Variants in PAK5 observed in about 807,000 individuals in gnomAD.
The protein encoded by PAK5 is serine/threonine-protein kinase PAK 5.
Under a neutral mutation model 65.9 loss-of-function variants are expected in PAK5, and 16 were observed. The observed-to-expected ratio is 0.24, with a 90% CI of 0.16 to 0.37. The LOEUF (loss-of-function observed/expected upper bound fraction) is 0.37. PAK5 is among the 10% of genes least tolerant of loss of function. PAK5 has a pLI of 1.00. For synonymous variants in PAK5, 371 were observed against 354.9 expected, an observed-to-expected ratio of 1.05 and a Z score of -0.51; for missense variants, 785 against 903.9, an observed-to-expected ratio of 0.87 and a Z score of 1.69.
At chr20:9,757,627 C>A (rs2048649977) in intron 1 of PAK5, among the ~76,000 whole-genome samples, 1 of 152,106 alleles carries the variant, frequency 6.6e-6, no homozygotes, top group African/African-American at 2.4e-5. Flanking sequence ...GGACTTGAAT[C>A]CTTAGGTCAA....
chr20:9,662,145 A>G (rs2047355540), intron 2 of PAK5, among the ~76,000 whole-genome samples: 1 of 152,192 alleles, frequency 6.6e-6, no homozygotes, highest in African/African-American at 2.4e-5. Flanking sequence ...GTGATGGGAA[A>G]ATCAGCAAAA....
intron 7 of PAK5, among the ~76,000 whole-genome samples, chr20:9,552,895 GT>G (rs539499102): frequency 1.4e-3 from 216 of 151,818 alleles, no homozygotes; most frequent in African/African-American, 4.9e-3. Context: ...TAATTTTTTA[GT>G]TTTCTGGTAG....
At chr20:9,811,695 A>G (rs893826297) in intron 1 of PAK5, among the ~76,000 whole-genome samples, 2 of 152,200 alleles carry the variant, frequency 1.3e-5, no homozygotes, top group African/African-American at 4.8e-5. Flanking sequence ...ACTTGAATAC[A>G]TGTATTCTTT....
chr20:9,769,763 A>G (rs1251203140), intron 1 of PAK5, among the ~76,000 whole-genome samples: 1 of 152,308 alleles, frequency 6.6e-6, no homozygotes, highest in African/African-American at 2.4e-5. Context: ...CTTTTCTCTA[A>G]ATATTTGGCT....
intron 3 of PAK5, among the ~76,000 whole-genome samples, chr20:9,599,475 A>C (rs1195940073): frequency 2.6e-5 from 4 of 152,230 alleles, no homozygotes; most frequent in African/African-American, 9.6e-5. Context: ...TCAGCACTGC[A>C]TGAGGATGCC....
At chr20:9,783,534 C>T (rs1212688342) in intron 1 of PAK5, among the ~76,000 whole-genome samples, 1 of 152,162 alleles carries the variant, frequency 6.6e-6, no homozygotes, top group African/African-American at 2.4e-5. Context: ...TCTATCTCAA[C>T]ATCTTCGATT....
chr20:9,549,271 G>C (rs989853999), intron 7 of PAK5, among the ~76,000 whole-genome samples: 3 of 152,026 alleles, frequency 2.0e-5, no homozygotes, highest in Admixed American at 1.3e-4. Flanking sequence ...GGAAATATCT[G>C]TGTTGCATAC....
At chr20:9,722,750 T>A (rs1012786121) in intron 1 of PAK5, among the ~76,000 whole-genome samples, 2 of 152,116 alleles carry the variant, frequency 1.3e-5, no homozygotes, top group African/African-American at 2.4e-5. Context: ...GAAGATTTTT[T>A]TTTTTTTTAG....
chr20:9,575,149 A>C (rs1036919817), intron 4 of PAK5, among the ~76,000 whole-genome samples: 1 of 152,178 alleles, frequency 6.6e-6, no homozygotes, highest in African/African-American at 2.4e-5. Flanking sequence ...TTGACCCCAG[A>C]AGGAAGTGCC....
At chr20:9,602,457 C>T (rs1469042265) in intron 3 of PAK5, among the ~76,000 whole-genome samples, 2 of 152,068 alleles carry the variant, frequency 1.3e-5, no homozygotes, top group African/African-American at 4.8e-5. Context: ...GAGCACAGCC[C>T]CTTGGTGTCT....
At chr20:9,672,648 C>G (rs111821857) in intron 2 of PAK5, among the ~76,000 whole-genome samples, 3,082 of 152,200 alleles carry the variant, frequency 0.02, 110 homozygotes, top group African/African-American at 0.068. Context: ...AATTAAACCT[C>G]TTGCCCTTAC....
At chr20:9,681,992 T>G (rs927483132) in intron 2 of PAK5, among the ~76,000 whole-genome samples, 3 of 152,222 alleles carry the variant, frequency 2.0e-5, no homozygotes, top group African/African-American at 7.2e-5. Flanking sequence ...AAGGGTGTTG[T>G]ACAAACGCTT....
intron 2 of PAK5, among the ~76,000 whole-genome samples, chr20:9,709,640 G>A (rs949888069): frequency 1.3e-5 from 2 of 152,108 alleles, no homozygotes; most frequent in Non-Finnish European, 1.5e-5. Flanking sequence ...ACGACAAAAA[G>A]CTTTACAGAA....
chr20:9,783,764 T>G (rs1440334726), intron 1 of PAK5, among the ~76,000 whole-genome samples: 1 of 152,166 alleles, frequency 6.6e-6, no homozygotes, highest in East Asian at 1.9e-4. Flanking sequence ...TCTCAGTAAG[T>G]TAAGAAAGAA....
At chr20:9,747,202 C>G (rs1248399249) in intron 1 of PAK5, among the ~76,000 whole-genome samples, 1 of 152,074 alleles carries the variant, frequency 6.6e-6, no homozygotes, top group Non-Finnish European at 1.5e-5. Context: ...AATAGCTTAC[C>G]AACTAAAAAG....
At chr20:9,767,514 G>C (rs1351655931) in intron 1 of PAK5, among the ~76,000 whole-genome samples, 1 of 152,188 alleles carries the variant, frequency 6.6e-6, no homozygotes, top group African/African-American at 2.4e-5. Flanking sequence ...CTAGGACATA[G>C]GCTCTGTAAG....
chr20:9,676,044 GCA>G (rs1258935575), intron 2 of PAK5, among the ~76,000 whole-genome samples: 2 of 152,138 alleles, frequency 1.3e-5, no homozygotes, highest in African/African-American at 4.8e-5. Context: ...ACTTAGAGTT[GCA>G]CATGGCTGGG....
chr20:9,769,690 A>C (rs2048811912), intron 1 of PAK5, among the ~76,000 whole-genome samples: 1 of 152,214 alleles, frequency 6.6e-6, no homozygotes, highest in African/African-American at 2.4e-5. Flanking sequence ...GCTAGAGAGC[A>C]CATCTAAGGT....
At chr20:9,608,231 T>C (rs1908350250) in intron 3 of PAK5, among the ~76,000 whole-genome samples, 1 of 152,210 alleles carries the variant, frequency 6.6e-6, no homozygotes, top group South Asian at 2.1e-4. Flanking sequence ...GATACAAGTA[T>C]TCATTCTATA....
Sources: allele counts gnomAD v4.1 joint callset (sites outside exome capture counted in the v4.1 genomes callset), GRCh38; gene constraint gnomAD v4.1.1; transcripts MANE v1.5; gene names NCBI Gene and HGNC (gene_info 2026-07-23, HGNC 2026-07-21).